Variants in TCERG1L observed in about 807,000 individuals in gnomAD.
TCERG1L encodes transcription elongation regulator 1 like, also known as transcription elongation regulator 1-like protein.
Under a neutral mutation model 56.3 loss-of-function variants are expected in TCERG1L, and 37 were observed. That is an observed-to-expected ratio of 0.66 (90% CI 0.51 to 0.87). The LOEUF is 0.87. Among genes scored for constraint, TCERG1L ranks in the 40% least tolerant of loss-of-function variants. The pLI, the probability that TCERG1L is intolerant of heterozygous loss-of-function variation, is 0.00. For synonymous variants in TCERG1L, 324 were observed against 326.3 expected (o/e 0.99, Z 0.08); for missense variants, 799 against 774.2 (o/e 1.03, Z -0.38).
chr10:131,198,472 C>T (rs1845391320), intron 4 of TCERG1L, among the ~76,000 whole-genome samples: 5 of 152,252 alleles, frequency 3.3e-5, no homozygotes, highest in Admixed American at 3.3e-4. Context: ...TGCCGCACTG[C>T]CATAGCAAAA....
At position 131,301,883 on chromosome 10, in the gene TCERG1L, G is replaced by A. The variant is rs76373618; in HGVS notation, c.670+6328C>T. 1.9e-4 allele frequency among the ~76,000 whole-genome samples: 29 copies of A among 152,104 alleles called. No individual in the cohort carries two copies. In the East Asian group the frequency reaches 3.3e-3, roughly 17 times the overall value. On this transcript the variant is annotated intron_variant, in intron 3 of 11. Coordinates refer to ENST00000368642, the MANE Select transcript of TCERG1L (RefSeq NM_174937.4). ...ATCAAATATAAAGATGCTAAACTTC[G>A]TTTTCAAAAAGCAAAGGCAGACATT... is the stretch of plus-strand genomic sequence containing the variant.
At chr10:131,138,099 T>C (rs1244660174) in intron 7 of TCERG1L, among the ~76,000 whole-genome samples, 1 of 152,106 alleles carries the variant, frequency 6.6e-6, no homozygotes, top group Non-Finnish European at 1.5e-5. Flanking sequence ...TGAAACCCCG[T>C]CTCTACCAAA....
At position 131,118,973 on chromosome 10, in the gene TCERG1L, C is replaced by T. The variant is rs75420722; in HGVS notation, c.1260-2039G>A. 0.047 allele frequency among the ~76,000 whole-genome samples: 7,126 copies of T among 152,218 alleles called. 288 individuals carry two copies. The highest frequency in any genetic ancestry group is 0.2 in the East Asian group (1,029 of 5,148). Reference sequence around the variant, plus strand: ...GTGAAATGTCCTGCAATGCACAGGACAGCCCCCACCACGCAGGCTCATGTG... The same window carrying T: ...GTGAAATGTCCTGCAATGCACAGGATAGCCCCCACCACGCAGGCTCATGTG... On this transcript the variant is annotated intron_variant, in intron 8 of 11. Transcript: ENST00000368642. This position sits in a 1 kb window ranked among gnomAD's most constrained non-coding sequence, Gnocchi z 4.2.
At chr10:131,227,261 T>C (rs1845800374) in intron 4 of TCERG1L, among the ~76,000 whole-genome samples, 1 of 152,228 alleles carries the variant, frequency 6.6e-6, no homozygotes, top group Non-Finnish European at 1.5e-5. Context: ...CCCAGCTCTA[T>C]GCCTGCAGAT....
At chr10:131,116,995 CA>C in intron 8 of TCERG1L, 61 bp from the exon 9 acceptor site, 1 of 1,539,642 alleles carries the variant, frequency 6.5e-7, no homozygotes, top group Non-Finnish European at 8.7e-7. Flanking sequence ...GTTTTTATTG[CA>C]ACCTTTACAA....
At position 131,194,165 on chromosome 10, in the gene TCERG1L, C is replaced by T. The variant is rs183625245; in HGVS notation, c.857-27280G>A. On this transcript the variant is annotated intron_variant, in intron 4 of 11. Coordinates refer to ENST00000368642, the MANE Select transcript of TCERG1L (RefSeq NM_174937.4). ...GGGAATGCGTGTCTTCATAAAGGTT[C>T]GCTTTGCTTTTTGTTGCTCCATTCA... Among the ~76,000 whole-genome samples the T allele has an allele frequency of 5.6e-4, 86 of 152,398 alleles. No homozygotes were observed. The East Asian group carries it at 0.012, about 21-fold the overall frequency.
At position 131,311,401 on chromosome 10, in the gene TCERG1L, C is replaced by T; in HGVS notation, c.235G>A (p.Gly79Ser). ...ACCGGCTCGCTCGGGGCCGGCCAGCCGGGGAGACCGGGGAGCAGCGGGGCC... is the reference window on the plus strand; with the variant it reads ...ACCGGCTCGCTCGGGGCCGGCCAGCTGGGGAGACCGGGGAGCAGCGGGGCC... Reference protein sequence around the residue: ...PAAPLLPGLPGWPAPSEPVLP... With the variant: ...PAAPLLPGLPSWPAPSEPVLP... The change falls in exon 1 of 12, where the codon GGC becomes AGC. Residue 79 changes from glycine (G) to serine (S), a missense_variant. Gly to Ser is a moderately conservative substitution (Grantham distance 56). Transcript: ENST00000368642. This position sits in a 1 kb window ranked among gnomAD's most constrained non-coding sequence, Gnocchi z 4.0. The T allele has an allele frequency of 1.7e-6, 2 of 1,182,634 alleles. No individual in the cohort carries two copies. Among genetic ancestry groups the T allele is most frequent in the African/African-American group, 1.6e-5 (1 of 61,978 alleles). 73.3% of individuals were successfully genotyped at this position (1,182,634 alleles called of 1,614,324 possible).
intron 11 of TCERG1L, among the ~76,000 whole-genome samples, chr10:131,097,097 G>C (rs1480676178): frequency 1.3e-5 from 2 of 150,418 alleles, no homozygotes; most frequent in Non-Finnish European, 3.0e-5. Flanking sequence ...CTACTTGAGA[G>C]GTTGAAGCAG....
At chr10:131,229,960 A>G (rs1195170990) in intron 4 of TCERG1L, among the ~76,000 whole-genome samples, 1 of 152,222 alleles carries the variant, frequency 6.6e-6, no homozygotes, top group Non-Finnish European at 1.5e-5. Flanking sequence ...TACAAGGACG[A>G]GGCAGCTTCC....
At position 131,099,856 on chromosome 10, in the gene TCERG1L, C is replaced by A. The variant is rs189223286; in HGVS notation, c.1486-1432G>T. Among the ~76,000 whole-genome samples, 1,040 of 152,036 alleles carry A rather than the reference C, an allele frequency of 6.8e-3. 8 individuals carry two copies. The highest frequency in any genetic ancestry group is 0.011 in the Non-Finnish European group (781 of 67,996). On this transcript the variant is annotated intron_variant, in intron 10 of 11. Transcript: ENST00000368642. ...ATGTAAGTAAGAATATGATTGGCTT[C>A]TTTTTTCTTTTCTTTCTTTTTTTTT...
intron 6 of TCERG1L, among the ~76,000 whole-genome samples, chr10:131,153,706 T>C (rs1455852189): frequency 6.6e-6 from 1 of 152,156 alleles, no homozygotes; most frequent in Non-Finnish European, 1.5e-5. Context: ...CAAGGTGCAT[T>C]CCGATGCTGG....
chr10:131,281,859 G>T (rs1016603709), intron 3 of TCERG1L, among the ~76,000 whole-genome samples: 1 of 152,018 alleles, frequency 6.6e-6, no homozygotes, highest in Non-Finnish European at 1.5e-5. Flanking sequence ...CCTTCTGGCC[G>T]GGCGCGGTGG....
rs1479895027 is a variant in TCERG1L at position 131,267,713 on chromosome 10, G to A, written c.671-7269C>T. ...CAAGCCTCGGAGCAGGTCCTGCCCA[G>A]CCATGCAAGGGTGGAGGTGGCACAG... On this transcript the variant is annotated intron_variant, in intron 3 of 11. Coordinates refer to ENST00000368642, the MANE Select transcript of TCERG1L (RefSeq NM_174937.4). This position sits in a 1 kb window ranked among gnomAD's most constrained non-coding sequence, Gnocchi z 4.9. Among the ~76,000 whole-genome samples the A allele has an allele frequency of 6.6e-6, 1 of 152,206 alleles. No individual in the cohort carries two copies.
At chr10:131,299,404 A>G (rs1211002837) in intron 3 of TCERG1L, among the ~76,000 whole-genome samples, 2 of 151,956 alleles carry the variant, frequency 1.3e-5, no homozygotes, top group African/African-American at 4.8e-5. Context: ...GTTTATTATC[A>G]TATCATTTTA....
intron 3 of TCERG1L, among the ~76,000 whole-genome samples, chr10:131,281,999 G>A (rs542982422): frequency 5.7e-4 from 86 of 152,144 alleles, no homozygotes; most frequent in Admixed American, 2.7e-3. Context: ...AGCCAGGCGC[G>A]GTGGCGGGCG....
intron 4 of TCERG1L, among the ~76,000 whole-genome samples, chr10:131,228,195 G>A (rs1248917995): frequency 7.0e-6 from 1 of 142,230 alleles, no homozygotes; most frequent in Non-Finnish European, 1.5e-5. Context: ...AAGGCCTCAC[G>A]AGTCTCCCCT....
chr10:131,170,119 C>T (rs1431770197), intron 4 of TCERG1L, among the ~76,000 whole-genome samples: 1 of 152,088 alleles, frequency 6.6e-6, no homozygotes, highest in Non-Finnish European at 1.5e-5. Flanking sequence ...TCTTAATAAC[C>T]GGCACTCTTT....
chr10:131,282,131 A>G (rs2918113), intron 3 of TCERG1L, among the ~76,000 whole-genome samples: 86,147 of 139,814 alleles, frequency 0.62, 26,775 homozygotes, highest in East Asian at 0.87. Flanking sequence ...GCAAGACTCC[A>G]TCTCAGAAAA....
chr10:131,209,024 C>G (rs1032873715), intron 4 of TCERG1L, among the ~76,000 whole-genome samples: 1 of 149,462 alleles, frequency 6.7e-6, no homozygotes, highest in African/African-American at 2.5e-5. Flanking sequence ...CACCACTGCA[C>G]TCCAGCCTGG....
Sources: gnomAD v4.1 joint callset for allele counts (sites outside exome capture counted in the v4.1 genomes callset) on GRCh38, gnomAD v4.1.1 for gene constraint, Gnocchi (gnomAD v3.1) non-coding constraint, MANE v1.5 for transcripts, NCBI Gene and HGNC (gene_info 2026-07-23, HGNC 2026-07-21) for gene names.